GPR155: variants seen among roughly 807,000 people sequenced by gnomAD.
The protein encoded by GPR155 is lysosomal cholesterol signaling protein.
GPR155 carries 65 observed loss-of-function variants against 93.1 expected under a neutral mutation model. The ratio of observed to expected loss-of-function variants is 0.70; its 90% CI spans 0.57 to 0.86. The LOEUF is 0.86. Among genes scored for constraint, GPR155 ranks in the 40% least tolerant of loss-of-function variants. The probability of loss-of-function intolerance (pLI) is 0.00; values close to 1 mark genes in which losing one functional copy is unlikely to be tolerated. For synonymous variants in GPR155, 319 were observed against 360.1 expected, an observed-to-expected ratio of 0.89 and a Z score of 1.29; for missense variants, 838 against 1,034.8, an observed-to-expected ratio of 0.81 and a Z score of 2.61.
intron 13 of GPR155, among the ~76,000 whole-genome samples, chr2:174,442,875 T>C (rs1231258799): frequency 1.3e-5 from 2 of 152,116 alleles, no homozygotes; most frequent in Non-Finnish European, 2.9e-5. Flanking sequence ...CCATACCACC[T>C]CCCCAAGAGG....
intron 12 of GPR155, 95 bp from the exon 13 acceptor site, chr2:174,445,271 T>A: frequency 1.5e-6 from 1 of 656,952 alleles, no homozygotes; most frequent in Non-Finnish European, 2.7e-6. Flanking sequence ...TACTTAATAA[T>A]TACAGGGAAA....
At chr2:174,467,087 G>A (rs1302688921) in intron 5 of GPR155, among the ~76,000 whole-genome samples, 1 of 152,134 alleles carries the variant, frequency 6.6e-6, no homozygotes, top group Non-Finnish European at 1.5e-5. Context: ...AACCTGGGAG[G>A]TGGAGGTTGC....
chr2:174,466,112 T>C (rs1687831788), intron 6 of GPR155, among the ~76,000 whole-genome samples: 1 of 152,234 alleles, frequency 6.6e-6, no homozygotes, highest in Non-Finnish European at 1.5e-5. Context: ...ATCCATTTTA[T>C]AACAGAGCCT....
At chr2:174,480,946 G>A (rs1333672418) in intron 2 of GPR155, among the ~76,000 whole-genome samples, 1 of 151,868 alleles carries the variant, frequency 6.6e-6, no homozygotes, top group East Asian at 1.9e-4. Flanking sequence ...ATTTTTTGTT[G>A]TTGTTATTTT....
chr2:174,470,598 T>A, intron 3 of GPR155, 43 bp from the exon 4 acceptor site: 15 of 1,579,582 alleles, frequency 9.5e-6, no homozygotes, highest in Non-Finnish European at 1.3e-5. Context: ...TATCAAAGCA[T>A]GGTTGTCCCC....
At chr2:174,467,516 C>T (rs889065087) in intron 5 of GPR155, among the ~76,000 whole-genome samples, 2 of 152,214 alleles carry the variant, frequency 1.3e-5, no homozygotes, top group African/African-American at 4.8e-5. Context: ...TTGACCAGGG[C>T]CATGTTCTAA....
At chr2:174,469,962 A>C (rs1406771333) in intron 4 of GPR155, among the ~76,000 whole-genome samples, 3 of 152,138 alleles carry the variant, frequency 2.0e-5, no homozygotes, top group Admixed American at 2.0e-4. Flanking sequence ...CCTGGGTTCA[A>C]ACAAATCTTG....
At chr2:174,445,621 A>C (rs1320250231) in intron 12 of GPR155, among the ~76,000 whole-genome samples, 1 of 152,212 alleles carries the variant, frequency 6.6e-6, no homozygotes. Flanking sequence ...CCCAGTGTGC[A>C]AAGCGTTCCT....
chr2:174,485,970 TA>T (rs1329900549), intron 1 of GPR155, among the ~76,000 whole-genome samples: 2 of 152,182 alleles, frequency 1.3e-5, no homozygotes, highest in Non-Finnish European at 2.9e-5. Flanking sequence ...TTAGATCACA[TA>T]AACGAACCAC....
chr2:174,483,285 T>A (rs1688383023), intron 1 of GPR155: 2 of 152,200 alleles, frequency 1.3e-5, no homozygotes, highest in South Asian at 4.1e-4. Context: ...CAGACAGAAT[T>A]TTTTTTTGTT....
In GPR155 at chr2:174,465,883, A is replaced by C. The variant is rs1437186449; in HGVS notation, c.1286T>G (p.Met429Arg). ...LIAQSIVCAG[M>R]MIWNFVKEKN... ...TTCTTTAACAAAATTCCATATCATC[A>C]TTCCAGCACAGACAATAGACTAAGG... The change falls in exon 7 of 16, where the codon ATG becomes AGG. Residue 429 changes from methionine (M) to arginine (R), a missense_variant. Coordinates refer to ENST00000392552, the MANE Select transcript of GPR155 (RefSeq NM_152529.7). The C allele has an allele frequency of 6.4e-7, 1 of 1,571,246 alleles. No homozygotes were observed. Among genetic ancestry groups the C allele is most frequent in the South Asian group, 1.1e-5 (1 of 89,954 alleles).
intron 10 of GPR155, among the ~76,000 whole-genome samples, chr2:174,457,891 C>G (rs1055847906): frequency 1.3e-5 from 2 of 152,188 alleles, no homozygotes; most frequent in Non-Finnish European, 2.9e-5. Flanking sequence ...GCTAGGACTA[C>G]AGGTGTGTAC....
intron 10 of GPR155, among the ~76,000 whole-genome samples, chr2:174,456,260 G>A (rs778404180): frequency 2.0e-5 from 3 of 152,014 alleles, no homozygotes; most frequent in Admixed American, 1.3e-4. Context: ...TAAAGCCATG[G>A]GAACTTACCT....
chr2:174,450,216 AC>A (rs1321918948), intron 11 of GPR155, among the ~76,000 whole-genome samples: 2 of 152,132 alleles, frequency 1.3e-5, no homozygotes, highest in Non-Finnish European at 2.9e-5. Context: ...GTGAATTAAC[AC>A]AGAAACAGAA....
chr2:174,447,214 G>A (rs1255914557), intron 11 of GPR155, among the ~76,000 whole-genome samples: 3 of 151,158 alleles, frequency 2.0e-5, no homozygotes, highest in Non-Finnish European at 2.9e-5. Flanking sequence ...GCGGGCACCC[G>A]TAATTCCAGC....
rs766287599 is a variant in GPR155 at position 174,473,116 on chromosome 2, C to A, written c.709G>T (p.Val237Leu). 1.8e-5 allele frequency: 29 copies of A among 1,610,666 alleles called. No individual in the cohort carries two copies. The highest frequency in any genetic ancestry group is 2.2e-5 in the East Asian group (1 of 44,828). ...IAFNFILDRK[V>L]PVYVENFLDG... The stretch of plus-strand genomic sequence containing the variant: ...AGAAAATTTTCGACATATACAGGTA[C>A]CTTTCGATCAAGAATAAAATTGAAG... The change falls in exon 3 of 16, where the codon GTA (valine) becomes TTA (leucine). Residue 237 changes from valine (V) to leucine (L), a missense_variant. This residue lies in a region of GPR155 where 663 missense variants were observed against 790.1 expected (regional missense o/e 0.84). Coordinates refer to ENST00000392552, the MANE Select transcript of GPR155 (RefSeq NM_152529.7).
chr2:174,436,209 C>G lies in GPR155; in HGVS notation c.2520G>C (p.Gln840His). 6.2e-7 allele frequency: 1 copy of G among 1,613,754 alleles called. No individual in the cohort carries two copies. Among genetic ancestry groups the G allele is most frequent in the Non-Finnish European group, 8.5e-7 (1 of 1,179,644 alleles). The change falls in exon 16 of 16, where the codon CAG becomes CAC. Residue 840 changes from glutamine to histidine, a missense_variant. This residue lies in a region of GPR155 where 146 missense variants were observed against 177.5 expected (regional missense o/e 0.82). Transcript: ENST00000392552. Reference sequence around the variant, plus strand: ...TGTTTGCATTAATAGCAGGAGGACTCTGTTCAGGACTCTTTTGAAGAAATC... The same window carrying G: ...TGTTTGCATTAATAGCAGGAGGACTGTGTTCAGGACTCTTTTGAAGAAATC... ...FYRFLQKSPE[Q>H]SPPAINANTL...
intron 1 of GPR155, among the ~76,000 whole-genome samples, chr2:174,485,075 G>C (rs1338448229): frequency 6.6e-6 from 1 of 152,098 alleles, no homozygotes; most frequent in African/African-American, 2.4e-5. Context: ...AAACATAACT[G>C]GTAAAAGATC....
Position 174,469,052 on chromosome 2 carries a change from C to A in GPR155, c.1042G>T (p.Val348Leu), listed in dbSNP as rs1687919095. 1 of 1,613,824 alleles carries A rather than the reference C, an allele frequency of 6.2e-7. No individual in the cohort carries two copies. The highest frequency in any genetic ancestry group is 1.7e-5 in the Admixed American group (1 of 59,982). Reference protein sequence around the residue: ...MEVEIITSGMVISTFVSAPIM... With the variant: ...MEVEIITSGMLISTFVSAPIM... ...GGAGCAGACACAAATGTGCTTATCA[C>A]CATCCCTGAGGTTATCTGCAAAAAT... Residue 348 changes from valine (V) to leucine (L), a missense_variant, in exon 5 of 16, where the codon GTG becomes TTG. By Grantham distance (32) the Val-to-Leu change is conservative. Coordinates refer to ENST00000392552, the MANE Select transcript of GPR155 (RefSeq NM_152529.7).
Sources: gnomAD v4.1 joint callset for allele counts (sites outside exome capture counted in the v4.1 genomes callset) on GRCh38, gnomAD v4.1.1 for gene constraint, gnomAD v4.1.1 regional missense constraint, MANE v1.5 for transcripts, NCBI Gene and HGNC (gene_info 2026-07-23, HGNC 2026-07-21) for gene names.